The following MAPKAP1 variants were observed in gnomAD, a reference collection of about 807,000 sequenced individuals.
The protein encoded by MAPKAP1 is target of rapamycin complex 2 subunit MAPKAP1.
In MAPKAP1, 20 loss-of-function variants were observed where a neutral mutation model predicts 65.7. The observed-to-expected ratio is 0.30, with a 90% CI of 0.21 to 0.44. The LOEUF (loss-of-function observed/expected upper bound fraction) is 0.44, where lower values mean the gene tolerates loss of function less well. MAPKAP1 is among the 20% of genes least tolerant of loss of function. The probability of loss-of-function intolerance (pLI) is 1.00; values close to 1 mark genes in which losing one functional copy is unlikely to be tolerated. For synonymous variants in MAPKAP1, 222 were observed against 244.3 expected (o/e 0.91, Z 0.85); for missense variants, 423 against 648.0 (o/e 0.65, Z 3.77).
At chr9:125,608,727 A>G (rs1385857761) in intron 4 of MAPKAP1, among the ~76,000 whole-genome samples, 1 of 152,186 alleles carries the variant, frequency 6.6e-6, no homozygotes, top group Non-Finnish European at 1.5e-5. Flanking sequence ...ACAATTGCAC[A>G]GAGACTCTGA....
chr9:125,701,757 A>T (rs1304257198), intron 1 of MAPKAP1, among the ~76,000 whole-genome samples: 1 of 152,220 alleles, frequency 6.6e-6, no homozygotes, highest in Admixed American at 6.5e-5. Context: ...AGAGACAAGA[A>T]ATCTGGTAGC....
chr9:125,577,447 C>A (rs1441997311), intron 5 of MAPKAP1, among the ~76,000 whole-genome samples: 35 of 144,356 alleles, frequency 2.4e-4, no homozygotes, highest in African/African-American at 8.5e-4. Context: ...GGGGGATCAG[C>A]CCCCCGCCCA....
At chr9:125,477,374 C>T (rs1854148199) in intron 9 of MAPKAP1, among the ~76,000 whole-genome samples, 2 of 152,156 alleles carry the variant, frequency 1.3e-5, no homozygotes, top group Non-Finnish European at 2.9e-5. Context: ...ACCAGGTTGA[C>T]CTGCCCAGTC....
intron 5 of MAPKAP1, among the ~76,000 whole-genome samples, chr9:125,577,719 G>A (rs1266342368): frequency 2.5e-5 from 3 of 120,842 alleles, no homozygotes; most frequent in African/African-American, 6.2e-5. Flanking sequence ...CGCCCCATCC[G>A]GGAGGTGAGG....
At chr9:125,477,640 C>A (rs886749954) in intron 9 of MAPKAP1, among the ~76,000 whole-genome samples, 1 of 152,172 alleles carries the variant, frequency 6.6e-6, no homozygotes, top group Non-Finnish European at 1.5e-5. Flanking sequence ...CTGTGCTTTC[C>A]TTTGGCTGGT....
intron 9 of MAPKAP1, among the ~76,000 whole-genome samples, chr9:125,481,675 G>A (rs1395646907): frequency 6.6e-6 from 1 of 151,888 alleles, no homozygotes; most frequent in Admixed American, 6.5e-5. Context: ...GCCCACCTTT[G>A]TCTCCCAAAG....
chr9:125,490,655 T>C (rs1267558175), intron 8 of MAPKAP1, among the ~76,000 whole-genome samples: 1 of 152,250 alleles, frequency 6.6e-6, no homozygotes, highest in African/African-American at 2.4e-5. Flanking sequence ...GAAAAGGCTA[T>C]TGAAATATTC....
intron 3 of MAPKAP1, among the ~76,000 whole-genome samples, chr9:125,659,200 T>C (rs1352212280): frequency 2.0e-5 from 3 of 152,220 alleles, no homozygotes; most frequent in Non-Finnish European, 4.4e-5. Flanking sequence ...TTATTAAGCA[T>C]CTATTATGAG....
intron 4 of MAPKAP1, among the ~76,000 whole-genome samples, chr9:125,591,188 C>A (rs1487614995): frequency 2.6e-5 from 4 of 152,206 alleles, no homozygotes; most frequent in Non-Finnish European, 5.9e-5. Context: ...CAGCCTGACT[C>A]CAAAGGCCCT....
At chr9:125,581,724 C>T (rs915119364) in intron 5 of MAPKAP1, among the ~76,000 whole-genome samples, 1 of 152,018 alleles carries the variant, frequency 6.6e-6, no homozygotes, top group Non-Finnish European at 1.5e-5. Context: ...AGATTTTCTC[C>T]TGTTTTTTTC....
chr9:125,529,149 G>A (rs1358543495), intron 7 of MAPKAP1, among the ~76,000 whole-genome samples: 1 of 147,832 alleles, frequency 6.8e-6, no homozygotes, highest in Admixed American at 6.7e-5. Flanking sequence ...ACTCCAGCCT[G>A]GGCAAAATGA....
chr9:125,650,765 T>C (rs1833870062), intron 4 of MAPKAP1, among the ~76,000 whole-genome samples: 1 of 152,198 alleles, frequency 6.6e-6, no homozygotes, highest in South Asian at 2.1e-4. Flanking sequence ...GAACTCAGCA[T>C]AGAGGATTTA....
Position 125,441,335 on chromosome 9 carries a change from C to T in MAPKAP1, c.1444-2323G>A, listed in dbSNP as rs191629050. Among the ~76,000 whole-genome samples the T allele has an allele frequency of 5.9e-5, 9 of 152,230 alleles. No individual in the cohort carries two copies. The South Asian group carries it at 8.3e-4, about 14-fold the overall frequency. ...GGAAGAGGGCGGCTCTGGAGCTTCT[C>T]GGGCCAGGTTCAAGTAGAGGCTCCA... is the stretch of plus-strand genomic sequence containing the variant. On this transcript the variant is annotated intron_variant, in intron 11 of 11. Transcript: ENST00000265960.
At chr9:125,489,859 G>C (rs1023064359) in intron 8 of MAPKAP1, among the ~76,000 whole-genome samples, 17 of 152,226 alleles carry the variant, frequency 1.1e-4, no homozygotes, top group African/African-American at 4.1e-4. Flanking sequence ...CAGAGATAGA[G>C]ATTCAAACTG....
intron 6 of MAPKAP1, among the ~76,000 whole-genome samples, chr9:125,555,883 A>G (rs1193290002): frequency 6.6e-6 from 1 of 152,228 alleles, no homozygotes; most frequent in Non-Finnish European, 1.5e-5. Flanking sequence ...ATGTCCACCT[A>G]AACACTACCC....
At chr9:125,650,176 C>G (rs1222672144) in intron 4 of MAPKAP1, among the ~76,000 whole-genome samples, 1 of 152,186 alleles carries the variant, frequency 6.6e-6, no homozygotes, top group African/African-American at 2.4e-5. Flanking sequence ...ACTCTCTCAC[C>G]CAGAGCACTG....
chr9:125,551,545 C>T (rs1021276449), intron 6 of MAPKAP1, among the ~76,000 whole-genome samples: 4 of 152,012 alleles, frequency 2.6e-5, no homozygotes, highest in Non-Finnish European at 5.9e-5. Flanking sequence ...TCATGTTCCT[C>T]TAATATATCA....
Position 125,697,202 on chromosome 9 carries a change from A to G in MAPKAP1, c.-70+9769T>C, listed in dbSNP as rs1347443868. ...CATATGAAACCATGTTCTAAGTGCAAAATAAAAGAGGTGAAAACTAACTTG... is the reference window on the plus strand; with the variant it reads ...CATATGAAACCATGTTCTAAGTGCAGAATAAAAGAGGTGAAAACTAACTTG... On this transcript the variant is annotated intron_variant, in intron 1 of 11. Coordinates refer to ENST00000265960, the MANE Select transcript of MAPKAP1 (RefSeq NM_001006617.3). 2.6e-5 allele frequency among the ~76,000 whole-genome samples: 4 copies of G among 152,354 alleles called. No individual in the cohort carries two copies. The East Asian group carries it at 5.8e-4, about 22-fold the overall frequency.
chr9:125,526,749 C>A (rs1589258593), intron 7 of MAPKAP1, among the ~76,000 whole-genome samples: 1 of 151,334 alleles, frequency 6.6e-6, no homozygotes, highest in Non-Finnish European at 1.5e-5. Flanking sequence ...TAACTTTAAT[C>A]AAAGTAGCAT....
Sources: allele counts gnomAD v4.1 joint callset (sites outside exome capture counted in the v4.1 genomes callset), GRCh38; gene constraint gnomAD v4.1.1; transcripts MANE v1.5; gene names NCBI Gene and HGNC (gene_info 2026-07-23, HGNC 2026-07-21).